The following BBX variants were observed in gnomAD, a reference collection of about 807,000 sequenced individuals.
BBX encodes HMG box transcription factor BBX.
BBX carries 30 observed loss-of-function variants against 100.2 expected under a neutral mutation model. The observed-to-expected ratio is 0.30, with a 90% CI of 0.22 to 0.41. The LOEUF (loss-of-function observed/expected upper bound fraction) is 0.41. Among genes scored for constraint, BBX ranks in the 10% least tolerant of loss-of-function variants. The pLI is 1.00. For synonymous variants in BBX, 376 were observed against 388.1 expected (o/e 0.97, Z 0.37); for missense variants, 1,023 against 1,129.8 (o/e 0.91, Z 1.35).
chr3:107,587,562 C>T (rs144942933), intron 2 of BBX, among the ~76,000 whole-genome samples: 2 of 152,280 alleles, frequency 1.3e-5, no homozygotes, highest in Admixed American at 1.3e-4. Flanking sequence ...TGTCCTAAAG[C>T]AGATCCTGTC....
Position 107,693,329 on chromosome 3 carries a change from T to C in BBX, c.-9-17123T>C, listed in dbSNP as rs1238341453. Reference sequence around the variant, plus strand: ...TTTTCTTCTAGGGTTTTTATGGTTTTAGGTCTAACGTTTAAGTCTTTAGTC... The same window carrying C: ...TTTTCTTCTAGGGTTTTTATGGTTTCAGGTCTAACGTTTAAGTCTTTAGTC... On this transcript the variant is annotated intron_variant, in intron 3 of 17. Coordinates refer to ENST00000325805, the MANE Select transcript of BBX (RefSeq NM_001142568.3). Among the ~76,000 whole-genome samples the C allele has an allele frequency of 3.3e-5, 5 of 152,034 alleles. No individual in the cohort carries two copies. The East Asian group carries it at 9.6e-4, about 29-fold the overall frequency.
At chr3:107,655,372 AT>A (rs2058070284) in intron 3 of BBX, among the ~76,000 whole-genome samples, 1 of 152,270 alleles carries the variant, frequency 6.6e-6, no homozygotes, top group South Asian at 2.1e-4. Context: ...AACTATGTCA[AT>A]TTTTTAAGCA....
chr3:107,688,273 C>T (rs1015185186), intron 3 of BBX, among the ~76,000 whole-genome samples: 15 of 152,188 alleles, frequency 9.9e-5, no homozygotes, highest in African/African-American at 3.6e-4. Flanking sequence ...GATCACATCC[C>T]TTGAAAGTTG....
chr3:107,527,522 T>A (rs955194998), intron 2 of BBX, among the ~76,000 whole-genome samples: 3 of 152,236 alleles, frequency 2.0e-5, no homozygotes, highest in African/African-American at 7.2e-5. Flanking sequence ...TCTGGTAGTG[T>A]CCATTTGGTA....
At chr3:107,728,267 C>A (rs966033408) in intron 5 of BBX, among the ~76,000 whole-genome samples, 10 of 152,192 alleles carry the variant, frequency 6.6e-5, no homozygotes, top group Admixed American at 6.5e-4. Context: ...ATGTCTACAG[C>A]TAGCTAAAGA....
intron 3 of BBX, among the ~76,000 whole-genome samples, chr3:107,702,571 C>T (rs1406892638): frequency 6.6e-6 from 1 of 152,098 alleles, no homozygotes; most frequent in Non-Finnish European, 1.5e-5. Context: ...CTGTCTAGCA[C>T]AGAAATCTTT....
At chr3:107,711,317 C>T (rs187298161) in intron 4 of BBX, 82 of 471,132 alleles carry the variant, frequency 1.7e-4, no homozygotes, top group African/African-American at 1.4e-3. Flanking sequence ...CCTTGCCTGT[C>T]TCGTCCTTTC....
intron 3 of BBX, among the ~76,000 whole-genome samples, chr3:107,709,695 G>A (rs979489280): frequency 2.0e-5 from 3 of 152,230 alleles, no homozygotes; most frequent in African/African-American, 7.2e-5. Flanking sequence ...GGACCATGGT[G>A]CAGGACATGA....
chr3:107,586,933 T>C (rs2052893281), intron 2 of BBX, among the ~76,000 whole-genome samples: 2 of 151,974 alleles, frequency 1.3e-5, no homozygotes, highest in South Asian at 4.1e-4. Flanking sequence ...GTATTTTTAG[T>C]AGAAATGGGG....
At chr3:107,546,297 T>C (rs2049235631) in intron 2 of BBX, among the ~76,000 whole-genome samples, 1 of 152,208 alleles carries the variant, frequency 6.6e-6, no homozygotes, top group South Asian at 2.1e-4. Flanking sequence ...ATAAATTATT[T>C]GCAATTTTGT....
chr3:107,601,917 C>A (rs762619672), intron 2 of BBX, among the ~76,000 whole-genome samples: 1 of 152,194 alleles, frequency 6.6e-6, no homozygotes, highest in South Asian at 2.1e-4. Context: ...GACAGGCTGA[C>A]TCTTTTTAGG....
Position 107,713,967 on chromosome 3 carries a change from C to CTTTTTTTTTTTT in BBX, c.163-2625_163-2614dup, listed in dbSNP as rs569427270. 6.1e-5 allele frequency among the ~76,000 whole-genome samples: 5 copies of CTTTTTTTTTTTT among 82,282 alleles called. 1 individual carries two copies. Among genetic ancestry groups the CTTTTTTTTTTTT allele is most frequent in the Non-Finnish European group, 1.0e-4 (4 of 38,724 alleles). 54.0% of individuals were successfully genotyped at this position (82,282 alleles called of 152,430 possible). A position where few individuals can be genotyped will look rare whatever the true frequency, so the allele number is the denominator to read the frequency against. On this transcript the variant is annotated intron_variant, in intron 4 of 17. Transcript: ENST00000325805. ...TTTTAATTTTTTTAATAATTTTTTT[C>CTTTTTTTTTTTT]TTTTTTTTTTTTTTTTTTTTTTTTT...
At chr3:107,623,603 A>T (rs1454552980) in intron 2 of BBX, among the ~76,000 whole-genome samples, 1 of 152,144 alleles carries the variant, frequency 6.6e-6, no homozygotes, top group Non-Finnish European at 1.5e-5. Context: ...GCAGGAGTAG[A>T]TCCAGGTTTC....
intron 3 of BBX, among the ~76,000 whole-genome samples, chr3:107,701,035 G>T (rs532514110): frequency 6.6e-6 from 1 of 151,968 alleles, no homozygotes; most frequent in Non-Finnish European, 1.5e-5. Context: ...CACAATGGTT[G>T]TACTAGTTTA....
At chr3:107,555,344 T>A (rs1357910767) in intron 2 of BBX, among the ~76,000 whole-genome samples, 1 of 152,108 alleles carries the variant, frequency 6.6e-6, no homozygotes, top group Non-Finnish European at 1.5e-5. Flanking sequence ...ACAAAGGAAT[T>A]TATAGATTTC....
At chr3:107,559,860 T>C (rs2050351146) in intron 2 of BBX, among the ~76,000 whole-genome samples, 1 of 152,142 alleles carries the variant, frequency 6.6e-6, no homozygotes, top group Non-Finnish European at 1.5e-5. Flanking sequence ...CTCCCAACTC[T>C]CAGCCTCCCA....
chr3:107,765,522 C>T (rs183354410), intron 10 of BBX, among the ~76,000 whole-genome samples: 94 of 152,080 alleles, frequency 6.2e-4, no homozygotes, highest in Non-Finnish European at 5.0e-4. Context: ...GTGTTGCCCA[C>T]ACTGGTCTGA....
In BBX at chr3:107,593,639, TG is replaced by T. The variant is rs144453887; in HGVS notation, c.-83-52194del. On this transcript the variant is annotated intron_variant, in intron 2 of 17. Transcript: ENST00000325805. The stretch of plus-strand genomic sequence containing the variant: ...GGGAAACCAGATCTATAGTCACAGA[TG>T]GGAGTCATCTGCTCTCTAAGTGGCA... 7.8e-3 allele frequency among the ~76,000 whole-genome samples: 1,188 copies of T among 152,286 alleles called. 10 individuals carry two copies. The highest frequency in any genetic ancestry group is 0.027 in the African/African-American group (1,131 of 41,546).
intron 2 of BBX, among the ~76,000 whole-genome samples, chr3:107,565,108 T>C (rs1396865328): frequency 1.3e-5 from 2 of 152,264 alleles, no homozygotes; most frequent in African/African-American, 4.8e-5. Context: ...GGATTTGTTT[T>C]CAGCAGTTGA....
Sources: allele counts gnomAD v4.1 joint callset (sites outside exome capture counted in the v4.1 genomes callset), GRCh38; gene constraint gnomAD v4.1.1; transcripts MANE v1.5; gene names NCBI Gene and HGNC (gene_info 2026-07-23, HGNC 2026-07-21).